Variants in UBE3D observed in about 807,000 individuals in gnomAD.
UBE3D encodes ubiquitin protein ligase E3D, also known as E3 ubiquitin-protein ligase E3D.
In UBE3D, 48 loss-of-function variants were observed where a neutral mutation model predicts 49.6. The observed-to-expected ratio is 0.97, with a 90% CI of 0.77 to 1.23. The LOEUF (loss-of-function observed/expected upper bound fraction) is 1.23, where lower values mean the gene tolerates loss of function less well. Ranked by LOEUF, UBE3D falls within the 50% of genes most tolerant of loss-of-function variation. The probability of loss-of-function intolerance (pLI) is 0.00; values close to 1 mark genes in which losing one functional copy is unlikely to be tolerated. For missense variants in UBE3D, 452 were observed against 468.4 expected, an observed-to-expected ratio of 0.96 and a Z score of 0.32; for synonymous variants, 189 against 174.2, an observed-to-expected ratio of 1.08 and a Z score of -0.67.
chr6:82,910,462 C>A (rs80128985), intron 9 of UBE3D, among the ~76,000 whole-genome samples: 2,681 of 152,216 alleles, frequency 0.018, 27 homozygotes, highest in Non-Finnish European at 0.027. Flanking sequence ...TTATTTTCAA[C>A]CCCAGTACTC....
intron 2 of UBE3D, among the ~76,000 whole-genome samples, chr6:83,056,779 T>A (rs1345635198): frequency 6.6e-6 from 1 of 151,798 alleles, no homozygotes; most frequent in Non-Finnish European, 1.5e-5. Flanking sequence ...CCTGACCCCA[T>A]CTCCAGGATC....
chr6:82,920,770 T>C (rs1773273009), intron 9 of UBE3D, among the ~76,000 whole-genome samples: 1 of 152,180 alleles, frequency 6.6e-6, no homozygotes, highest in South Asian at 2.1e-4. Context: ...GAGGTTGACC[T>C]ATATATGTAA....
intron 1 of UBE3D, chr6:83,063,067 C>T (rs1171069885): frequency 2.7e-5 from 5 of 185,690 alleles, no homozygotes; most frequent in South Asian, 1.4e-4. Context: ...AATAAAAAAA[C>T]GATAGAGTGG....
chr6:82,928,092 T>C (rs1773891155), intron 9 of UBE3D, among the ~76,000 whole-genome samples: 1 of 152,044 alleles, frequency 6.6e-6, no homozygotes, highest in South Asian at 2.1e-4. Context: ...GTAACAAATG[T>C]ACCAATCTGG....
intron 8 of UBE3D, among the ~76,000 whole-genome samples, chr6:82,966,855 C>T (rs1158371683): frequency 1.3e-5 from 2 of 152,062 alleles, no homozygotes; most frequent in African/African-American, 4.8e-5. Flanking sequence ...TAACAGTGAG[C>T]TAGGAGAACT....
chr6:82,969,134 C>G (rs900427394), intron 8 of UBE3D, among the ~76,000 whole-genome samples: 11 of 145,754 alleles, frequency 7.5e-5, no homozygotes, highest in African/African-American at 2.8e-4. Context: ...ACTTAGAAAG[C>G]CTGAGAGACT....
In UBE3D at chr6:82,988,357, A is replaced by G. The variant is rs191401911; in HGVS notation, c.1010+30616T>C. Among the ~76,000 whole-genome samples, 448 of 152,340 alleles carry G rather than the reference A, an allele frequency of 2.9e-3. 2 individuals are homozygous for G. Among genetic ancestry groups the G allele is most frequent in the Non-Finnish European group, 5.3e-3 (358 of 68,030 alleles). On this transcript the variant is annotated intron_variant, in intron 8 of 9. Coordinates refer to ENST00000369747, the MANE Select transcript of UBE3D (RefSeq NM_198920.3). ...TCTGGAACTTTTCTGTAAATTCAAG[A>G]CAGTTCATAACAAATTAATTAATTA...
chr6:82,980,021 T>A (rs1420814955), intron 8 of UBE3D, among the ~76,000 whole-genome samples: 2 of 152,174 alleles, frequency 1.3e-5, no homozygotes, highest in Non-Finnish European at 2.9e-5. Context: ...TGATTATATA[T>A]CTTTGCTATT....
the UBE3D span, among the ~76,000 whole-genome samples, chr6:82,885,411 TCACTGTATCTAAAATGTATTGCA>T: frequency 6.6e-6 from 1 of 152,190 alleles, no homozygotes; most frequent in African/African-American, 2.4e-5. Flanking sequence ...CATAGAATAA[TCACTGTATCTAAAATGTATTGCA>T]CACTGTGTGC....
chr6:82,990,208 C>T (rs961118991), intron 8 of UBE3D, among the ~76,000 whole-genome samples: 1 of 152,168 alleles, frequency 6.6e-6, no homozygotes, highest in East Asian at 1.9e-4. Context: ...AATAAAATCT[C>T]AGGACCCTAA....
Position 82,921,245 on chromosome 6 carries a change from G to A in UBE3D, c.1150-28203C>T, listed in dbSNP as rs190166473. Among the ~76,000 whole-genome samples the A allele has an allele frequency of 1.1e-3, 172 of 152,276 alleles. 2 individuals are homozygous for A. Among genetic ancestry groups the A allele is most frequent in the Admixed American group, 0.011 (162 of 15,284 alleles). On this transcript the variant is annotated intron_variant, in intron 9 of 9. Transcript: ENST00000369747. The stretch of plus-strand genomic sequence containing the variant: ...CTGGGATTACAGGCATTAGCACCTG[G>A]CCCTGAATATTTTTAAAAAATCTTT...
downstream of UBE3D, among the ~76,000 whole-genome samples, chr6:82,891,492 C>A (rs142444819): frequency 6.6e-6 from 1 of 152,292 alleles, no homozygotes; most frequent in East Asian, 1.9e-4. Context: ...AACTAATTCT[C>A]TTCTGTGGCT....
At position 83,058,901 on chromosome 6, in the gene UBE3D, C is replaced by CA. The variant is rs1229832763; in HGVS notation, c.78-880dup. 2.0e-5 allele frequency among the ~76,000 whole-genome samples: 3 copies of CA among 152,242 alleles called. No homozygotes were observed. The East Asian group carries it at 5.8e-4, about 29-fold the overall frequency. ...GAGTTTTTTGCAGGGATGACAGTTT[C>CA]AAACCTGAGTCAAAAGTTCAATTTC... On this transcript the variant is annotated intron_variant, in intron 1 of 9. Transcript: ENST00000369747.
intron 9 of UBE3D, among the ~76,000 whole-genome samples, chr6:82,944,562 C>T (rs952595529): frequency 6.6e-6 from 1 of 152,186 alleles, no homozygotes; most frequent in African/African-American, 2.4e-5. Flanking sequence ...TGAGAAACTC[C>T]TTTTGCTTGA....
intron 9 of UBE3D, among the ~76,000 whole-genome samples, chr6:82,947,674 T>C (rs1452999970): frequency 6.6e-6 from 1 of 151,980 alleles, no homozygotes; most frequent in Non-Finnish European, 1.5e-5. Context: ...GCATCTTCTC[T>C]GACCACAATG....
chr6:83,057,886 G>C lies in UBE3D; in HGVS notation c.214C>G (p.Gln72Glu). ...RLVPSSCRGL[Q>E]FVVGDGLHLR... is the part of the protein sequence containing the mutation. ...TGCAGTCCATCTCCAACAACAAACT[G>C]TAGCCCACGGCAAGAGGAAGGTACA... The change falls in exon 2 of 10, where the codon CAG (glutamine) becomes GAG (glutamate). Residue 72 changes from glutamine to glutamate, a missense_variant. Physicochemically the swap from Gln to Glu is conservative, Grantham distance 29. Coordinates refer to ENST00000369747, the MANE Select transcript of UBE3D (RefSeq NM_198920.3). 1 of 1,614,170 alleles carries C rather than the reference G, an allele frequency of 6.2e-7. No homozygotes were observed. Among genetic ancestry groups the C allele is most frequent in the Non-Finnish European group, 8.5e-7 (1 of 1,180,040 alleles).
chr6:83,011,420 C>T (rs1353074835), intron 8 of UBE3D, among the ~76,000 whole-genome samples: 1 of 152,168 alleles, frequency 6.6e-6, no homozygotes, highest in Non-Finnish European at 1.5e-5. Flanking sequence ...GTAGAATGAA[C>T]CAAACCTTCA....
chr6:82,985,008 CTTTTTTTTTTTTT>C (rs70987727), intron 8 of UBE3D, among the ~76,000 whole-genome samples: 1 of 52,998 alleles, frequency 1.9e-5, no homozygotes, highest in African/African-American at 7.3e-5. Context: ...TCTTCTTCTT[CTTTTTTTTTTTTT>C]TTTTTTTTTT....
intron 8 of UBE3D, among the ~76,000 whole-genome samples, chr6:83,016,470 A>G (rs1320441666): frequency 6.6e-6 from 1 of 152,082 alleles, no homozygotes; most frequent in East Asian, 1.9e-4. Context: ...ATCATATTAA[A>G]CAGCCAACTC....
Sources: allele counts gnomAD v4.1 joint callset (sites outside exome capture counted in the v4.1 genomes callset), GRCh38; gene constraint gnomAD v4.1.1; transcripts MANE v1.5; gene names NCBI Gene and HGNC (gene_info 2026-07-23, HGNC 2026-07-21).